SNX24: variants seen among roughly 807,000 people sequenced by gnomAD.
SNX24 encodes the protein sorting nexin-24.
Under a neutral mutation model 28.7 loss-of-function variants are expected in SNX24, and 22 were observed. The ratio of observed to expected loss-of-function variants is 0.77; its 90% CI spans 0.55 to 1.10. The LOEUF is 1.10. Among genes scored for constraint, SNX24 ranks in the 50% least tolerant of loss-of-function variants. The probability of loss-of-function intolerance (pLI) is 0.00; values close to 1 mark genes in which losing one functional copy is unlikely to be tolerated. For missense variants in SNX24, 221 were observed against 201.1 expected, an observed-to-expected ratio of 1.10 and a Z score of -0.60; for synonymous variants, 69 against 71.5, an observed-to-expected ratio of 0.96 and a Z score of 0.18.
Position 123,009,203 on chromosome 5 carries a change from A to C in SNX24, c.*1454A>C. 1.0e-6 allele frequency: 1 copy of C among 985,056 alleles called. No homozygotes were observed. The highest frequency in any genetic ancestry group is 4.7e-5 in the South Asian group (1 of 21,280). 61.0% of individuals were successfully genotyped at this position (985,056 alleles called of 1,614,324 possible). Reference sequence around the variant, plus strand: ...GGAGTTAAATAAAAACAGAACAAGGAAACATTTGAGTTTGTCTTCTCCTAA... The same window carrying C: ...GGAGTTAAATAAAAACAGAACAAGGCAACATTTGAGTTTGTCTTCTCCTAA... On this transcript the variant is annotated 3_prime_UTR_variant, in exon 7 of 7. Transcript: ENST00000261369.
chr5:122,916,922 A>G (rs1176139715), intron 1 of SNX24, among the ~76,000 whole-genome samples: 5 of 152,148 alleles, frequency 3.3e-5, no homozygotes, highest in Non-Finnish European at 7.3e-5. Flanking sequence ...TAATTCTGTT[A>G]TTGAGATCTA....
intron 3 of SNX24, among the ~76,000 whole-genome samples, chr5:122,994,750 T>C (rs959782646): frequency 2.6e-5 from 4 of 152,248 alleles, no homozygotes; most frequent in Non-Finnish European, 4.4e-5. Flanking sequence ...GTTTACATTT[T>C]TAAAAATTCT....
At chr5:122,885,225 G>A (rs934201879) in intron 1 of SNX24, among the ~76,000 whole-genome samples, 7 of 152,062 alleles carry the variant, frequency 4.6e-5, no homozygotes, top group African/African-American at 1.7e-4. Context: ...ATTTTTCTTG[G>A]ATGTTGCTTC....
At chr5:122,917,053 G>T (rs929020276) in intron 1 of SNX24, among the ~76,000 whole-genome samples, 1 of 152,082 alleles carries the variant, frequency 6.6e-6, no homozygotes, top group Non-Finnish European at 1.5e-5. Context: ...CGGATCACGA[G>T]GTCAAGAGAT....
downstream of SNX24, among the ~76,000 whole-genome samples, chr5:123,010,743 T>C (rs1762557685): frequency 6.6e-6 from 1 of 152,232 alleles, no homozygotes; most frequent in Non-Finnish European, 1.5e-5. Context: ...TGTGTCTACT[T>C]TGAGTAATAT....
rs183691119 is a variant in SNX24, at chr5:122,879,735, G to T, written c.60+34042G>T. 3.6e-3 allele frequency among the ~76,000 whole-genome samples: 546 copies of T among 152,282 alleles called. 4 individuals carry two copies. The highest frequency in any genetic ancestry group is 0.012 in the African/African-American group (506 of 41,552). ...AGGGTCTCACTATGTTGTCCAGGCT[G>T]GTCTTAAACTCCTGGGCTCAAGTGA... On this transcript the variant is annotated intron_variant, in intron 1 of 6. Transcript: ENST00000261369.
At chr5:122,974,178 C>T (rs935658975) in intron 3 of SNX24, among the ~76,000 whole-genome samples, 2 of 152,208 alleles carry the variant, frequency 1.3e-5, no homozygotes, top group Non-Finnish European at 2.9e-5. Context: ...TCTCAACAGG[C>T]CCCACACCAC....
chr5:122,889,363 C>G (rs1374761008), intron 1 of SNX24, among the ~76,000 whole-genome samples: 2 of 151,822 alleles, frequency 1.3e-5, no homozygotes, highest in African/African-American at 2.4e-5. Context: ...TGTATACAGG[C>G]TGAGTACCCC....
chr5:122,932,958 A>G (rs1759024849), intron 1 of SNX24, among the ~76,000 whole-genome samples: 1 of 151,994 alleles, frequency 6.6e-6, no homozygotes, highest in African/African-American at 2.4e-5. Flanking sequence ...CCTATTCATA[A>G]CAGTGTAACT....
chr5:122,938,269 C>CCT (rs977593678), intron 2 of SNX24, among the ~76,000 whole-genome samples: 2 of 152,076 alleles, frequency 1.3e-5, no homozygotes, highest in Non-Finnish European at 2.9e-5. Flanking sequence ...AGAGGAGGAC[C>CCT]CTCTCCCCAG....
intron 1 of SNX24, among the ~76,000 whole-genome samples, chr5:122,928,920 G>A (rs542629528): frequency 1.5e-4 from 23 of 151,010 alleles, no homozygotes; most frequent in Non-Finnish European, 2.2e-4. Flanking sequence ...AATTATAGCC[G>A]TATACTCATC....
chr5:123,021,583 C>T (rs1052569411), intron 5 of SNX24, among the ~76,000 whole-genome samples: 2 of 152,254 alleles, frequency 1.3e-5, no homozygotes, highest in Non-Finnish European at 2.9e-5. Context: ...GTTTGGGTTT[C>T]CTGATAAGGA....
At chr5:123,014,062 A>G (rs1252872436), downstream of SNX24, among the ~76,000 whole-genome samples, 1 of 152,214 alleles carries the variant, frequency 6.6e-6, no homozygotes, top group Non-Finnish European at 1.5e-5. Flanking sequence ...ATTCCAATTT[A>G]AAGTGATTAA....
intron 5 of SNX24, among the ~76,000 whole-genome samples, chr5:123,019,224 C>T (rs142984618): frequency 0.011 from 1,658 of 151,382 alleles, 16 homozygotes; most frequent in Middle Eastern, 0.051. Flanking sequence ...AAGTAAAAGC[C>T]ATTATGTACT....
At chr5:122,860,330 A>AC (rs1755399410) in intron 1 of SNX24, among the ~76,000 whole-genome samples, 1 of 151,794 alleles carries the variant, frequency 6.6e-6, no homozygotes, top group Admixed American at 6.6e-5. Flanking sequence ...GATAAAAAAA[A>AC]ATCAGAGTTT....
chr5:122,918,234 A>G (rs902967451), intron 1 of SNX24, among the ~76,000 whole-genome samples: 1 of 152,104 alleles, frequency 6.6e-6, no homozygotes, highest in African/African-American at 2.4e-5. Flanking sequence ...CAGCATACGA[A>G]TTGGGAGGTG....
At chr5:122,880,574 A>G (rs969537234) in intron 1 of SNX24, among the ~76,000 whole-genome samples, 1 of 152,196 alleles carries the variant, frequency 6.6e-6, no homozygotes, top group Admixed American at 6.5e-5. Flanking sequence ...ATTGTTGCCT[A>G]TAAAAGTGGA....
chr5:123,005,297 C>A (rs1218629067), intron 6 of SNX24, among the ~76,000 whole-genome samples: 1 of 152,174 alleles, frequency 6.6e-6, no homozygotes, highest in Non-Finnish European at 1.5e-5. Flanking sequence ...ACATACAGAG[C>A]CTCAGCACTT....
At chr5:122,931,893 AAG>A (rs1381756482) in intron 1 of SNX24, among the ~76,000 whole-genome samples, 2 of 151,872 alleles carry the variant, frequency 1.3e-5, no homozygotes, top group African/African-American at 4.8e-5. Flanking sequence ...GAGCTTCTGA[AAG>A]AGAGAGACCA....
Sources: gnomAD v4.1 joint callset for allele counts (sites outside exome capture counted in the v4.1 genomes callset) on GRCh38, gnomAD v4.1.1 for gene constraint, MANE v1.5 for transcripts, NCBI Gene and HGNC (gene_info 2026-07-23, HGNC 2026-07-21) for gene names.